The following GPC6 variants were observed in gnomAD, a reference collection of about 807,000 sequenced individuals.
The protein encoded by GPC6 is glypican-6.
GPC6 carries 14 observed loss-of-function variants against 55.2 expected under a neutral mutation model. The ratio of observed to expected loss-of-function variants is 0.25; its 90% CI spans 0.17 to 0.40. The LOEUF (loss-of-function observed/expected upper bound fraction) is 0.40, where lower values mean the gene tolerates loss of function less well. GPC6 is among the 10% of genes least tolerant of loss of function. GPC6 has a pLI of 1.00. For synonymous variants in GPC6, 278 were observed against 259.6 expected, an observed-to-expected ratio of 1.07 and a Z score of -0.68; for missense variants, 641 against 708.5, an observed-to-expected ratio of 0.90 and a Z score of 1.08.
chr13:94,373,941 A>G (rs1449976690), intron 6 of GPC6, among the ~76,000 whole-genome samples: 1 of 152,086 alleles, frequency 6.6e-6, no homozygotes, highest in African/African-American at 2.4e-5. Flanking sequence ...TTTTCAACCC[A>G]GAATTTCATA....
chr13:94,168,489 G>T (rs1594013755), intron 4 of GPC6, among the ~76,000 whole-genome samples: 1 of 151,970 alleles, frequency 6.6e-6, no homozygotes, highest in African/African-American at 2.4e-5. Context: ...TCCAAGTAGT[G>T]CTAAGTTCCC....
intron 2 of GPC6, among the ~76,000 whole-genome samples, chr13:93,781,494 C>G (rs1239228390): frequency 6.6e-6 from 1 of 152,228 alleles, no homozygotes; most frequent in Non-Finnish European, 1.5e-5. Context: ...CATCCAGGAT[C>G]CTTTTCCCAG....
chr13:93,437,530 G>A (rs1877619411), intron 1 of GPC6, among the ~76,000 whole-genome samples: 1 of 152,336 alleles, frequency 6.6e-6, no homozygotes, highest in South Asian at 2.1e-4. Flanking sequence ...GGTCTGGATA[G>A]ACGATCAAAC....
At chr13:94,029,142 T>C (rs994457916) in intron 4 of GPC6, among the ~76,000 whole-genome samples, 2 of 152,204 alleles carry the variant, frequency 1.3e-5, no homozygotes, top group Non-Finnish European at 2.9e-5. Flanking sequence ...TGAAGCTCAC[T>C]GTACAAAGAT....
intron 1 of GPC6, among the ~76,000 whole-genome samples, chr13:93,490,514 G>GTTTTTTTTTTTTTTTTTTTTT (rs796098096): frequency 1.1e-4 from 4 of 35,320 alleles, no homozygotes; most frequent in African/African-American, 2.4e-4. Context: ...TTTTTTTTGA[G>GTTTTTTTTTTTTTTTTTTTTT]TTTTTTTTTT....
At chr13:93,596,262 G>C (rs192092966) in intron 2 of GPC6, among the ~76,000 whole-genome samples, 1 of 152,066 alleles carries the variant, frequency 6.6e-6, no homozygotes, top group Admixed American at 6.6e-5. Flanking sequence ...TAGAGTGTTC[G>C]TGTGCTGGAA....
chr13:94,279,853 T>G (rs1892321126), intron 4 of GPC6, among the ~76,000 whole-genome samples: 1 of 152,190 alleles, frequency 6.6e-6, no homozygotes, highest in African/African-American at 2.4e-5. Flanking sequence ...GAGGAGTGTT[T>G]TACTTCCAAT....
chr13:94,199,455 C>T (rs1889685596), intron 4 of GPC6, among the ~76,000 whole-genome samples: 1 of 152,106 alleles, frequency 6.6e-6, no homozygotes, highest in Non-Finnish European at 1.5e-5. Context: ...CACACAATTC[C>T]TATGAGCTTC....
At chr13:93,388,378 C>T (rs1396603331) in intron 1 of GPC6, among the ~76,000 whole-genome samples, 1 of 152,172 alleles carries the variant, frequency 6.6e-6, no homozygotes, top group South Asian at 2.1e-4. Flanking sequence ...AAGGAGGGCT[C>T]AAGTTCAATC....
rs74111511 is a variant in GPC6 at position 93,624,852 on chromosome 13, T to C, written c.319+79431T>C. ...AGAAGATAAACCTATTCATAAGAAA[T>C]AACTAAAAGCAAGGAGTTTCAAGAG... On this transcript the variant is annotated intron_variant, in intron 2 of 8. Transcript: ENST00000377047. Among the ~76,000 whole-genome samples, 426 of 152,296 alleles carry C rather than the reference T, an allele frequency of 2.8e-3. 3 individuals carry two copies. The highest frequency in any genetic ancestry group is 9.5e-3 in the African/African-American group (396 of 41,570).
chr13:94,400,320 C>A (rs985359102), intron 8 of GPC6, among the ~76,000 whole-genome samples: 1 of 152,082 alleles, frequency 6.6e-6, no homozygotes, highest in African/African-American at 2.4e-5. Context: ...AGAGATGGGG[C>A]CATTATTTTT....
chr13:94,281,615 T>C (rs1463418832), intron 4 of GPC6, among the ~76,000 whole-genome samples: 1 of 152,150 alleles, frequency 6.6e-6, no homozygotes, highest in East Asian at 1.9e-4. Flanking sequence ...TAGGGGAAGG[T>C]AAACATTCAG....
At position 93,690,198 on chromosome 13, in the gene GPC6, G is replaced by A. The variant is rs1314574587; in HGVS notation, c.320-139956G>A. On this transcript the variant is annotated intron_variant, in intron 2 of 8. Coordinates refer to ENST00000377047, the MANE Select transcript of GPC6 (RefSeq NM_005708.5). ...GAGTAAGGAGCTGGTATTGGGTTAA[G>A]CTGAAGTCAATTTTTGATGTGGATG... Among the ~76,000 whole-genome samples, 4 of 152,082 alleles carry A rather than the reference G, an allele frequency of 2.6e-5. No homozygotes were observed. In the East Asian group the frequency reaches 7.7e-4, roughly 29 times the overall value.
intron 1 of GPC6, among the ~76,000 whole-genome samples, chr13:93,499,625 C>A (rs181210702): frequency 3.1e-3 from 470 of 152,226 alleles, no homozygotes; most frequent in African/African-American, 0.01. Context: ...GGAGTGAACA[C>A]CTGAATGAAA....
At chr13:93,288,833 G>A (rs1594075578) in intron 1 of GPC6, among the ~76,000 whole-genome samples, 1 of 152,202 alleles carries the variant, frequency 6.6e-6, no homozygotes, top group East Asian at 1.9e-4. Flanking sequence ...CCACTAAGGT[G>A]ATTGAAGGGG....
At chr13:93,783,843 T>A (rs1186536017) in intron 2 of GPC6, among the ~76,000 whole-genome samples, 2 of 152,206 alleles carry the variant, frequency 1.3e-5, no homozygotes, top group African/African-American at 4.8e-5. Flanking sequence ...AGAATAATCT[T>A]GCTGTTTATG....
chr13:94,339,339 C>A (rs1183373458), intron 6 of GPC6, among the ~76,000 whole-genome samples: 1 of 152,160 alleles, frequency 6.6e-6, no homozygotes, highest in East Asian at 1.9e-4. Context: ...GCTGGGATTA[C>A]AGGCGTGAGC....
chr13:93,967,930 A>T (rs1221499540), intron 3 of GPC6, among the ~76,000 whole-genome samples: 2 of 152,190 alleles, frequency 1.3e-5, no homozygotes, highest in East Asian at 3.9e-4. Context: ...TTCTGTAAAC[A>T]TAATCTAATA....
intron 2 of GPC6, among the ~76,000 whole-genome samples, chr13:93,588,911 G>A (rs183066396): frequency 1.2e-4 from 18 of 152,232 alleles, no homozygotes; most frequent in Non-Finnish European, 2.2e-4. Flanking sequence ...TGCCTTGTTT[G>A]TGATTTAATA....
Sources: allele counts gnomAD v4.1 joint callset (sites outside exome capture counted in the v4.1 genomes callset), GRCh38; gene constraint gnomAD v4.1.1; transcripts MANE v1.5; gene names NCBI Gene and HGNC (gene_info 2026-07-23, HGNC 2026-07-21).